Variants in PBRM1 observed in about 807,000 individuals in gnomAD.
PBRM1 encodes polybromo 1, also known as protein polybromo-1.
A neutral mutation model predicts 194.5 loss-of-function variants in PBRM1; 27 were observed. That is an observed-to-expected ratio of 0.14 (90% CI 0.10 to 0.19). PBRM1 has a LOEUF of 0.19. PBRM1 is among the 10% of genes least tolerant of loss of function. PBRM1 has a pLI of 1.00. For synonymous variants in PBRM1, 655 were observed against 693.2 expected, an observed-to-expected ratio of 0.94 and a Z score of 0.87; for missense variants, 1,466 against 2,077.2, an observed-to-expected ratio of 0.71 and a Z score of 5.72.
intron 2 of PBRM1, among the ~76,000 whole-genome samples, chr3:52,675,772 A>C (rs981651536): frequency 3.9e-5 from 6 of 152,190 alleles, no homozygotes; most frequent in Non-Finnish European, 7.3e-5. Flanking sequence ...TGAGAAAAGC[A>C]CAGTCTTTTC....
chr3:52,616,751 T>C (rs1209089932), intron 14 of PBRM1, among the ~76,000 whole-genome samples: 2 of 152,232 alleles, frequency 1.3e-5, no homozygotes, highest in Non-Finnish European at 2.9e-5. Flanking sequence ...TAGAGGTACA[T>C]TTATGGGACT....
intron 26 of PBRM1, 145 bp downstream of exon 28, chr3:52,558,104 G>A: frequency 1.7e-6 from 1 of 584,714 alleles, no homozygotes; most frequent in African/African-American, 1.9e-5. Flanking sequence ...ATATGGGAAA[G>A]GCAATATAGG....
At chr3:52,628,776 G>A (rs2095525557) in intron 12 of PBRM1, 118 bp downstream of exon 13, 1 of 918,620 alleles carries the variant, frequency 1.1e-6, no homozygotes, top group Non-Finnish European at 1.7e-6. Context: ...CCAGCCAAAT[G>A]ATGTAATATT....
intron 17 of PBRM1, among the ~76,000 whole-genome samples, chr3:52,593,669 C>T (rs545720736): frequency 6.6e-6 from 1 of 152,226 alleles, no homozygotes; most frequent in Non-Finnish European, 1.5e-5. Context: ...TTGATATCTA[C>T]CTTAATTTCA....
chr3:52,602,109 T>C (rs1367077322), intron 17 of PBRM1, among the ~76,000 whole-genome samples: 1 of 152,224 alleles, frequency 6.6e-6, no homozygotes, highest in Non-Finnish European at 1.5e-5. Flanking sequence ...CTTTTAAGAT[T>C]TTCATCGGTT....
At chr3:52,623,900 T>C (rs2095360355) in intron 13 of PBRM1, among the ~76,000 whole-genome samples, 1 of 152,208 alleles carries the variant, frequency 6.6e-6, no homozygotes, top group South Asian at 2.1e-4. Context: ...ATGAATGATA[T>C]GAAAGAATAC....
rs1193129880 is a variant in PBRM1, at chr3:52,674,643, A to AAAAAAAT, written c.236+3856_236+3857insATTTTTT. Reference sequence around the variant, plus strand: ...TGTCTCTACCAAAAAAAAAAAAAAAAATATATATATATATATATATATACA... The same window carrying AAAAAAAT: ...TGTCTCTACCAAAAAAAAAAAAAAAAAAAAAATATATATATATATATATATATATACA... On this transcript the variant is annotated intron_variant, in intron 2 of 29. Coordinates refer to ENST00000296302, the Ensembl canonical transcript of PBRM1. Among the ~76,000 whole-genome samples, 700 of 72,234 alleles carry AAAAAAAT rather than the reference A, an allele frequency of 9.7e-3. 15 individuals carry two copies. Among genetic ancestry groups the AAAAAAAT allele is most frequent in the African/African-American group, 0.027 (657 of 24,506 alleles). The allele number at this position is 72,234 out of a possible 152,430, so 47.4% of individuals were successfully genotyped here. A position where few individuals can be genotyped will look rare whatever the true frequency, so the allele number is the denominator to read the frequency against.
chr3:52,662,191 G>A (rs2153925439), exon 4 of PBRM1: 4 of 1,613,814 alleles, frequency 2.5e-6, no homozygotes, highest in Non-Finnish European at 3.4e-6. Flanking sequence ...TTCGTCATCT[G>A]CTTCTCCTTT....
chr3:52,596,131 A>G (rs1655195618), intron 17 of PBRM1, among the ~76,000 whole-genome samples: 1 of 152,012 alleles, frequency 6.6e-6, no homozygotes, highest in Admixed American at 6.6e-5. Flanking sequence ...TGAGTCTTTT[A>G]TGGTTCCATA....
At chr3:52,619,679 A>G (rs2095175494) in intron 13 of PBRM1, among the ~76,000 whole-genome samples, 1 of 152,182 alleles carries the variant, frequency 6.6e-6, no homozygotes, top group South Asian at 2.1e-4. Flanking sequence ...CAGTCCCCTG[A>G]CTACTTGCAC....
At chr3:52,570,814 A>G (rs996213055) in intron 22 of PBRM1, among the ~76,000 whole-genome samples, 10 of 151,892 alleles carry the variant, frequency 6.6e-5, no homozygotes, top group African/African-American at 1.9e-4. Context: ...CAATTTCTCA[A>G]TAATTTTCTT....
At chr3:52,612,465 GA>G (rs533507256) in intron 15 of PBRM1, among the ~76,000 whole-genome samples, 73 of 151,890 alleles carry the variant, frequency 4.8e-4, no homozygotes, top group African/African-American at 1.8e-3. Flanking sequence ...GGGAAATAAA[GA>G]AAAAAGTTAC....
chr3:52,587,811 T>C (rs1466836663), intron 18 of PBRM1, among the ~76,000 whole-genome samples: 1 of 152,124 alleles, frequency 6.6e-6, no homozygotes, highest in Non-Finnish European at 1.5e-5. Context: ...TACAGTTTAA[T>C]ATAATTATCC....
intron 13 of PBRM1, among the ~76,000 whole-genome samples, chr3:52,626,073 A>T (rs1042153074): frequency 6.6e-6 from 1 of 152,170 alleles, no homozygotes; most frequent in African/African-American, 2.4e-5. Context: ...TTGCCTGATA[A>T]GTTTTTATCT....
intron 2 of PBRM1, among the ~76,000 whole-genome samples, chr3:52,677,048 A>C (rs2097121598): frequency 6.6e-6 from 1 of 152,208 alleles, no homozygotes; most frequent in Non-Finnish European, 1.5e-5. Context: ...AGGGAAGCAG[A>C]GCATAAAAGT....
chr3:52,569,740 T>C (rs1379255934), intron 22 of PBRM1, among the ~76,000 whole-genome samples: 1 of 152,254 alleles, frequency 6.6e-6, no homozygotes, highest in African/African-American at 2.4e-5. Flanking sequence ...GTTAAGTTTA[T>C]CTAAGGTATT....
chr3:52,617,599 G>A (rs1278191463), intron 13 of PBRM1, 61 bp from the exon 16 acceptor site: 7 of 1,213,160 alleles, frequency 5.8e-6, no homozygotes, highest in South Asian at 1.4e-5. Context: ...CTTAATATAC[G>A]GATGACCACA....
At chr3:52,593,822 T>C (rs949669957) in intron 17 of PBRM1, among the ~76,000 whole-genome samples, 7 of 152,198 alleles carry the variant, frequency 4.6e-5, no homozygotes, top group African/African-American at 1.4e-4. Context: ...TTTTGCATTT[T>C]CTGAGGATTG....
rs143667157 is a variant in PBRM1, at chr3:52,597,591, A to C, written c.2779+5930T>G. 3.7e-3 allele frequency among the ~76,000 whole-genome samples: 565 copies of C among 152,218 alleles called. 3 individuals carry two copies. Among genetic ancestry groups the C allele is most frequent in the South Asian group, 0.015 (71 of 4,830 alleles). On this transcript the variant is annotated intron_variant, in intron 17 of 29. Coordinates refer to ENST00000296302, the Ensembl canonical transcript of PBRM1. The stretch of plus-strand genomic sequence containing the variant: ...AATTTTTTTTTGTTTTTTTACAGAC[A>C]GGGTTCACTCAGGTTTCAGGGTACT...
Sources: allele counts gnomAD v4.1 joint callset (sites outside exome capture counted in the v4.1 genomes callset), GRCh38; gene constraint gnomAD v4.1.1; transcripts MANE v1.5; gene names NCBI Gene and HGNC (gene_info 2026-07-23, HGNC 2026-07-21).